Variants in CHD6 observed in about 807,000 individuals in gnomAD.
CHD6 encodes ATP-dependent chromatin remodeler CHD6.
Under a neutral mutation model 276.9 loss-of-function variants are expected in CHD6, and 50 were observed. The observed-to-expected ratio is 0.18, with a 90% confidence interval of 0.14 to 0.23. The LOEUF (loss-of-function observed/expected upper bound fraction) is 0.23, where lower values mean the gene tolerates loss of function less well. Ranked by LOEUF, CHD6 falls within the 10% of genes least tolerant of loss-of-function variation. The pLI is 1.00. For synonymous variants in CHD6, 1,173 were observed against 1,229.3 expected, an observed-to-expected ratio of 0.95 and a Z score of 0.96; for missense variants, 2,564 against 3,365.8, an observed-to-expected ratio of 0.76 and a Z score of 5.89.
chr20:41,525,109 C>T (rs767957919), intron 3 of CHD6, among the ~76,000 whole-genome samples: 17 of 152,132 alleles, frequency 1.1e-4, no homozygotes, highest in Non-Finnish European at 1.9e-4. Context: ...AAGCCTCGCC[C>T]CTGAATAGGA....
Position 41,490,015 on chromosome 20 carries a change from G to A in CHD6, c.1443C>T (p.Asn481=). Residue 481 remains asparagine (N), a synonymous_variant, in exon 12 of 37, where the codon AAC becomes AAT. Transcript: ENST00000373233. ...GGCCCATCTCATCAGCCAAAATACAGTTTTTTCTGCAGAGAGTGAGAAATA... is the reference window on the plus strand; with the variant it reads ...GGCCCATCTCATCAGCCAAAATACAATTTTTTCTGCAGAGAGTGAGAAATA... ...WLLFNWYNRK[N]CILADEMGLG... is the part of the protein sequence containing the mutation. 6.2e-7 allele frequency: 1 copy of A among 1,612,930 alleles called. No individual in the cohort carries two copies. The highest frequency in any genetic ancestry group is 8.5e-7 in the Non-Finnish European group (1 of 1,178,952).
At chr20:41,569,297 A>G (rs917805789) in intron 1 of CHD6, among the ~76,000 whole-genome samples, 3 of 150,748 alleles carry the variant, frequency 2.0e-5, no homozygotes, top group Non-Finnish European at 3.0e-5. Context: ...ACTTAAGCCC[A>G]TCCACAAAAA....
At chr20:41,543,814 C>T (rs563862740) in intron 2 of CHD6, among the ~76,000 whole-genome samples, 3 of 152,194 alleles carry the variant, frequency 2.0e-5, no homozygotes, top group Non-Finnish European at 2.9e-5. Flanking sequence ...CTAAATATTA[C>T]GTAGTTCCTG....
intron 1 of CHD6, among the ~76,000 whole-genome samples, chr20:41,597,471 C>T (rs1035081915): frequency 1.3e-5 from 2 of 152,134 alleles, no homozygotes; most frequent in East Asian, 1.9e-4. Context: ...CCCTTGAATT[C>T]GCAGTTCACC....
chr20:41,427,042 ACTTT>A (rs2047386258), intron 27 of CHD6, among the ~76,000 whole-genome samples: 1 of 152,136 alleles, frequency 6.6e-6, no homozygotes, highest in Non-Finnish European at 1.5e-5. Flanking sequence ...CGGCCTGCAG[ACTTT>A]CTGTGTGGCC....
At chr20:41,599,340 C>T (rs545189543) in intron 1 of CHD6, among the ~76,000 whole-genome samples, 3 of 152,190 alleles carry the variant, frequency 2.0e-5, no homozygotes, top group Non-Finnish European at 4.4e-5. Context: ...CCTTACCACC[C>T]TAGCAAATGA....
At chr20:41,418,367 G>A (rs2047071682) in intron 31 of CHD6, among the ~76,000 whole-genome samples, 2 of 152,200 alleles carry the variant, frequency 1.3e-5, no homozygotes, top group South Asian at 4.2e-4. Context: ...GTCTCTCGGA[G>A]GAGGGAGCTC....
At position 41,457,264 on chromosome 20, in the gene CHD6, C is replaced by T. The variant is rs2048404257; in HGVS notation, c.2829G>A (p.Gly943=). ...QDINRKGGTN[G]VQQLSKMEVE... ...TCCAGAGCAGGCCCATCACACTCAC[C>T]CCATTGGTGCCGCCCTTTCGGTTGA... Residue 943 remains glycine (G), a splice_region_variant and synonymous_variant, in exon 18 of 37, where the codon GGG becomes GGA. Coordinates refer to ENST00000373233, the MANE Select transcript of CHD6 (RefSeq NM_032221.5). 1.2e-6 allele frequency: 2 copies of T among 1,613,158 alleles called. No individual in the cohort carries two copies. The highest frequency in any genetic ancestry group is 1.7e-6 in the Non-Finnish European group (2 of 1,179,200).
chr20:41,463,583 G>A (rs1028160838), intron 17 of CHD6, among the ~76,000 whole-genome samples: 2 of 151,996 alleles, frequency 1.3e-5, no homozygotes, highest in African/African-American at 2.4e-5. Context: ...CAATCCTGAG[G>A]AAATACAGAC....
At chr20:41,525,461 C>T (rs1047936197) in intron 3 of CHD6, among the ~76,000 whole-genome samples, 7 of 152,234 alleles carry the variant, frequency 4.6e-5, no homozygotes, top group African/African-American at 1.7e-4. Context: ...GCTGCAAACA[C>T]AGCGCCTGCC....
intron 18 of CHD6, among the ~76,000 whole-genome samples, chr20:41,457,046 C>T (rs1445670317): frequency 6.6e-6 from 1 of 152,124 alleles, no homozygotes; most frequent in Non-Finnish European, 1.5e-5. Flanking sequence ...CTGGGCAATC[C>T]TACCTCATAA....
At chr20:41,410,895 T>G (rs1188995074) in intron 36 of CHD6, among the ~76,000 whole-genome samples, 1 of 152,052 alleles carries the variant, frequency 6.6e-6, no homozygotes, top group Non-Finnish European at 1.5e-5. Flanking sequence ...CTTCCCTTGA[T>G]GGCGTATCTG....
intron 1 of CHD6, among the ~76,000 whole-genome samples, chr20:41,552,946 T>C (rs2045168104): frequency 6.6e-6 from 1 of 152,204 alleles, no homozygotes; most frequent in African/African-American, 2.4e-5. Flanking sequence ...CAAGGGTTAG[T>C]GTTTGATAGG....
Position 41,473,813 on chromosome 20 carries a change from G to A in CHD6, c.2469-296C>T, listed in dbSNP as rs1028011892. ...TAGAAGAATTAAATCATAAAATACC[G>A]ATCCCCATAGCCCAAGCAACTTATT... On this transcript the variant is annotated intron_variant, in intron 16 of 36. Coordinates refer to ENST00000373233, the MANE Select transcript of CHD6 (RefSeq NM_032221.5). The surrounding 1 kb of genome is among the most constrained non-coding windows in gnomAD (Gnocchi z 4.1). Among the ~76,000 whole-genome samples the A allele has an allele frequency of 1.3e-5, 2 of 151,896 alleles. No individual in the cohort carries two copies. Among genetic ancestry groups the A allele is most frequent in the African/African-American group, 2.4e-5 (1 of 41,348 alleles).
intron 25 of CHD6, 115 bp from the exon 26 acceptor site, chr20:41,440,244 A>G (rs1336151846): frequency 2.1e-6 from 2 of 963,706 alleles, no homozygotes; most frequent in East Asian, 5.0e-5. Flanking sequence ...ACACAAAAAA[A>G]TAATTATTTA....
At chr20:41,445,632 T>C (rs2048042136) in intron 25 of CHD6, 33 bp downstream of exon 25, 3 of 1,430,654 alleles carry the variant, frequency 2.1e-6, no homozygotes, top group Non-Finnish European at 3.0e-6. Context: ...GGGAAACTGA[T>C]ACAGAAGGGA....
intron 1 of CHD6, among the ~76,000 whole-genome samples, chr20:41,569,932 C>CTGGT (rs2045399392): frequency 1.3e-5 from 2 of 152,112 alleles, no homozygotes; most frequent in Non-Finnish European, 2.9e-5. Context: ...CCCCCATGGA[C>CTGGT]ACTGAGGGAC....
Position 41,497,756 on chromosome 20 carries a change from T to G in CHD6, c.975-255A>C, listed in dbSNP as rs2043723118. 9.7e-6 allele frequency: 5 copies of G among 515,948 alleles called. 1 individual carries two copies. The South Asian group carries it at 1.1e-4, about 11-fold the overall frequency. The allele number at this position is 515,948 out of a possible 1,614,324, so 32.0% of individuals were successfully genotyped here. ...TGGCTGAGAACAGAGGCAGGGCAGCTGTGGGCAGGTTATCATTAACACACA... is the reference window on the plus strand; with the variant it reads ...TGGCTGAGAACAGAGGCAGGGCAGCGGTGGGCAGGTTATCATTAACACACA... On this transcript the variant is annotated intron_variant, in intron 7 of 36. Transcript: ENST00000373233.
chr20:41,570,164 CTT>C (rs1163671547), intron 1 of CHD6, among the ~76,000 whole-genome samples: 1 of 152,198 alleles, frequency 6.6e-6, no homozygotes, highest in Non-Finnish European at 1.5e-5. Flanking sequence ...AAATGACAGT[CTT>C]TACTGGTGGC....
Sources: allele counts gnomAD v4.1 joint callset (sites outside exome capture counted in the v4.1 genomes callset), GRCh38; gene constraint gnomAD v4.1.1; non-coding constraint Gnocchi (gnomAD v3.1); transcripts MANE v1.5; gene names NCBI Gene and HGNC (gene_info 2026-07-23, HGNC 2026-07-21).